Variants in GAS6 observed in about 807,000 individuals in gnomAD.
The protein encoded by GAS6 is growth arrest-specific protein 6.
GAS6 carries 41 observed loss-of-function variants against 75.8 expected under a neutral mutation model. The observed-to-expected ratio is 0.54, with a 90% CI of 0.42 to 0.70. The LOEUF (loss-of-function observed/expected upper bound fraction) is 0.70. Among genes scored for constraint, GAS6 ranks in the 30% least tolerant of loss-of-function variants. GAS6 has a pLI of 0.00. For synonymous variants in GAS6, 432 were observed against 412.6 expected (o/e 1.05, Z -0.57); for missense variants, 854 against 940.2 (o/e 0.91, Z 1.20).
At chr13:113,852,104 C>A (rs577639072) in intron 2 of GAS6, among the ~76,000 whole-genome samples, 29 of 152,208 alleles carry the variant, frequency 1.9e-4, no homozygotes, top group Non-Finnish European at 4.0e-4. Context: ...GAGGCTCTGG[C>A]GCAACTGTGA....
At position 113,837,982 on chromosome 13, in the gene GAS6, C is replaced by T; in HGVS notation, c.589+87G>A. The T allele has an allele frequency of 6.5e-7, 1 of 1,531,488 alleles. No individual in the cohort carries two copies. Among genetic ancestry groups the T allele is most frequent in the Non-Finnish European group, 8.9e-7 (1 of 1,128,724 alleles). The allele number at this position is 1,531,488 out of a possible 1,614,324, so 94.9% of individuals were successfully genotyped here. ...TCCAGAACCACAGGAACCCAGCCAG[C>T]AGCAGCCGCTTGCAGAAGAGCAGAC... On this transcript the variant is annotated intron_variant, in intron 6 of 14. Transcript: ENST00000327773. The surrounding 1 kb of genome is among the most constrained non-coding windows in gnomAD (Gnocchi z 5.1).
At chr13:113,831,108 A>C (rs1192126084) in intron 10 of GAS6, among the ~76,000 whole-genome samples, 1 of 152,196 alleles carries the variant, frequency 6.6e-6, no homozygotes, top group Non-Finnish European at 1.5e-5. Context: ...TGTGGGCGGG[A>C]GCCTGGTTGC....
chr13:113,820,936 C>T lies in GAS6; in HGVS notation c.1965G>A (p.Leu655=). 1 of 1,612,656 alleles carries T rather than the reference C, an allele frequency of 6.2e-7. No homozygotes were observed. The highest frequency in any genetic ancestry group is 8.5e-7 in the Non-Finnish European group (1 of 1,179,904). ...TLEVNRRLLD[L]DEAAYKHSDI... is the part of the protein sequence containing the mutation. The stretch of plus-strand genomic sequence containing the variant: ...CGCTGTGCTTGTACGCCGCCTCGTC[C>T]AGGTCCAGCAGCCTCCGGTTGACCT... The change falls in exon 15 of 15, where the codon CTG becomes CTA. Residue 655 remains leucine, a synonymous_variant. Coordinates refer to ENST00000327773, the MANE Select transcript of GAS6 (RefSeq NM_000820.4).
intron 4 of GAS6, chr13:113,842,125 CA>C (rs1294190065): frequency 7.4e-6 from 1 of 134,672 alleles, no homozygotes; most frequent in Non-Finnish European, 1.6e-5. Flanking sequence ...CCATACGCCT[CA>C]ATTTCCTCTG....
In GAS6 at chr13:113,827,073, C is replaced by G. The variant is rs369952328; in HGVS notation, c.1400G>C (p.Arg467Thr). The G allele has an allele frequency of 6.2e-6, 10 of 1,613,688 alleles. No individual in the cohort carries two copies. The highest frequency in any genetic ancestry group is 8.5e-6 in the Non-Finnish European group (10 of 1,179,986). ...TIQETVKVNTRMQCFSVTERG... is the reference protein window; with the variant it reads ...TIQETVKVNTTMQCFSVTERG... ...CTCCGTCACCGAGAAGCACTGCATC[C>G]TCGTGTTCACTTTCACCGTTTCCTG... Residue 467 changes from arginine to threonine, a missense_variant, in exon 12 of 15, where the codon AGG (arginine) becomes ACG (threonine). Arg to Thr is a moderately conservative substitution (Grantham distance 71, BLOSUM62 -1). Transcript: ENST00000327773.
chr13:113,826,848 G>GCCCCCCCCCCCCCCCCCCCCCCCCCCC, intron 12 of GAS6, 148 bp downstream of exon 12: 1 of 163,608 alleles, frequency 6.1e-6, no homozygotes. Flanking sequence ...CCGCACCTCC[G>GCCCCCCCCCCCCCCCCCCCCCCCCCCC]CCCACCCCGC....
chr13:113,836,729 T>G (rs1307993871), intron 6 of GAS6, among the ~76,000 whole-genome samples: 1 of 456 alleles, frequency 2.2e-3, no homozygotes, highest in Admixed American at 0.024. Context: ...AAGAGGGGAA[T>G]GAGGAGGAGG....
intron 9 of GAS6, 50 bp from the exon 10 acceptor site, chr13:113,832,538 C>T (rs748113385): frequency 1.1e-5 from 17 of 1,594,704 alleles, no homozygotes; most frequent in South Asian, 7.9e-5. Context: ...GGCAGATGCC[C>T]GGCCCCTCCC....
intron 2 of GAS6, among the ~76,000 whole-genome samples, chr13:113,852,190 CCTT>C (rs1208451792): frequency 6.6e-6 from 1 of 152,252 alleles, no homozygotes; most frequent in African/African-American, 2.4e-5. Flanking sequence ...TAGGCACAGA[CCTT>C]CTTTTTAGCT....
intron 8 of GAS6, among the ~76,000 whole-genome samples, chr13:113,834,298 G>T (rs1016864435): frequency 6.6e-6 from 1 of 152,182 alleles, no homozygotes; most frequent in Admixed American, 6.5e-5. Flanking sequence ...CCGTGCCCCC[G>T]TGAGTGTCAC....
intron 13 of GAS6, chr13:113,822,610 G>C (rs1261741594): frequency 1.2e-5 from 2 of 171,968 alleles, no homozygotes; most frequent in Non-Finnish European, 2.5e-5. Context: ...GCAGCCCAGG[G>C]GTCGGCTGTT....
chr13:113,838,975 G>A (rs1566365440), intron 5 of GAS6: 2 of 174,082 alleles, frequency 1.1e-5, no homozygotes, highest in Admixed American at 5.7e-5. Flanking sequence ...GCGTGTGGAG[G>A]TAGATGGTGG....
chr13:113,847,508 A>G (rs554642976), intron 3 of GAS6, among the ~76,000 whole-genome samples: 1 of 152,348 alleles, frequency 6.6e-6, no homozygotes, highest in East Asian at 1.9e-4. Flanking sequence ...CCAAGTGTAC[A>G]GTGGGGGTCT....
At chr13:113,858,934 TGC>T (rs1408125464) in intron 2 of GAS6, among the ~76,000 whole-genome samples, 1 of 151,414 alleles carries the variant, frequency 6.6e-6, no homozygotes, top group African/African-American at 2.4e-5. Flanking sequence ...AGTATGTGTG[TGC>T]GTGTCATGCA....
chr13:113,820,803 C>T lies in GAS6; in HGVS notation c.*61G>A, dbSNP rs2051443775. ...GCATGGCCCCACGTGGTGAGGAGCC[C>T]CCAGGCTCCTCCCGGCTGTCTCGGA... On this transcript the variant is annotated 3_prime_UTR_variant, in exon 15 of 15. Transcript: ENST00000327773. 6.5e-7 allele frequency: 1 copy of T among 1,549,256 alleles called. No individual in the cohort carries two copies. The highest frequency in any genetic ancestry group is 1.1e-5 in the South Asian group (1 of 88,256).
chr13:113,830,660 G>A (rs1381571983), intron 10 of GAS6, among the ~76,000 whole-genome samples: 3 of 82,566 alleles, frequency 3.6e-5, no homozygotes, highest in Non-Finnish European at 6.9e-5. Flanking sequence ...CTGCAACACC[G>A]CTCCCCCAGG....
chr13:113,839,889 C>A, intron 4 of GAS6, 39 bp from the exon 5 acceptor site: 1 of 1,612,674 alleles, frequency 6.2e-7, no homozygotes, highest in Non-Finnish European at 8.5e-7. Flanking sequence ...TGTTCAGCTG[C>A]CCCACCCCTG....
intron 4 of GAS6, chr13:113,842,485 C>G: frequency 2.5e-6 from 1 of 395,786 alleles, no homozygotes; most frequent in Non-Finnish European, 4.4e-6. Context: ...ACACTGCTGT[C>G]GCCCGGCTGT....
rs1370486681 is a variant in GAS6 at position 113,823,287 on chromosome 13, C to CG, written c.1653+87dup. 7.2e-6 allele frequency: 10 copies of CG among 1,386,420 alleles called. No individual in the cohort carries two copies. In the Admixed American group the frequency reaches 1.8e-4, roughly 25 times the overall value. The allele number at this position is 1,386,420 out of a possible 1,614,324, so 85.9% of individuals were successfully genotyped here. ...TTGGGGGTCCCTGGGGATCCCACCG[C>CG]GGGCCCCCTTCGTCCCCTGCCAGGG... On this transcript the variant is annotated intron_variant, in intron 13 of 14. Coordinates refer to ENST00000327773, the MANE Select transcript of GAS6 (RefSeq NM_000820.4).
Sources: gnomAD v4.1 joint callset for allele counts (sites outside exome capture counted in the v4.1 genomes callset) on GRCh38, gnomAD v4.1.1 for gene constraint, Gnocchi (gnomAD v3.1) non-coding constraint, MANE v1.5 for transcripts, NCBI Gene and HGNC (gene_info 2026-07-23, HGNC 2026-07-21) for gene names.